Variants in SIDT1 observed in about 807,000 individuals in gnomAD.
SIDT1 encodes SID1 transmembrane family member 1.
In SIDT1, 101 loss-of-function variants were observed where a neutral mutation model predicts 107.5. The observed-to-expected ratio is 0.94, with a 90% CI of 0.80 to 1.11. The LOEUF is 1.11. Among genes scored for constraint, SIDT1 ranks in the 50% least tolerant of loss-of-function variants. The pLI, the probability that SIDT1 is intolerant of heterozygous loss-of-function variation, is 0.00. For missense variants in SIDT1, 1,076 were observed against 1,058.2 expected (o/e 1.02, Z -0.23); for synonymous variants, 395 against 398.2 (o/e 0.99, Z 0.10).
intron 1 of SIDT1, among the ~76,000 whole-genome samples, chr3:113,564,665 T>A (rs547972602): frequency 6.6e-6 from 1 of 152,320 alleles, no homozygotes; most frequent in South Asian, 2.1e-4. Flanking sequence ...AATGGCTGCA[T>A]GGTGGGGCCA....
In SIDT1 at chr3:113,621,966, G is replaced by T. The variant is rs554488075; in HGVS notation, c.2091-1461G>T. Among the ~76,000 whole-genome samples, 42 of 152,172 alleles carry T rather than the reference G, an allele frequency of 2.8e-4. 5 individuals carry two copies. Among genetic ancestry groups the T allele is most frequent in the African/African-American group, 9.9e-4 (41 of 41,500 alleles). ...TTTTCAATTTTATTTAATTTTAATA[G>T]CCATATGTGGCTACCAAATGGAACA... On this transcript the variant is annotated intron_variant, in intron 21 of 24. Transcript: ENST00000264852.
At chr3:113,625,465 A>G (rs938031860) in intron 23 of SIDT1, among the ~76,000 whole-genome samples, 6 of 152,030 alleles carry the variant, frequency 3.9e-5, no homozygotes, top group African/African-American at 1.4e-4. Flanking sequence ...TTTTTTGAGG[A>G]ACTTCCAAAC....
intron 23 of SIDT1, among the ~76,000 whole-genome samples, chr3:113,624,190 C>T (rs1946683136): frequency 6.6e-6 from 1 of 152,184 alleles, no homozygotes; most frequent in South Asian, 2.1e-4. Context: ...AGAACAGTTA[C>T]CACAATAGAT....
chr3:113,581,284 C>T, intron 5 of SIDT1, 77 bp from the exon 6 acceptor site: 1 of 1,175,714 alleles, frequency 8.5e-7, no homozygotes, highest in East Asian at 2.3e-5. Context: ...CAGAAAGATG[C>T]TGACAGGACC....
At chr3:113,554,551 G>A (rs1576743692) in intron 1 of SIDT1, among the ~76,000 whole-genome samples, 1 of 152,182 alleles carries the variant, frequency 6.6e-6, no homozygotes, top group Non-Finnish European at 1.5e-5. Flanking sequence ...CACCATGCAA[G>A]ACGTGCCTTT....
chr3:113,533,316 C>G, intron 1 of SIDT1, 73 bp downstream of exon 1: 1 of 1,208,674 alleles, frequency 8.3e-7, no homozygotes, highest in Non-Finnish European at 1.1e-6. Context: ...GCTTTGGAGT[C>G]CCCTGGGAAT....
At chr3:113,573,644 G>A (rs768259912) in intron 3 of SIDT1, among the ~76,000 whole-genome samples, 14 of 152,152 alleles carry the variant, frequency 9.2e-5, no homozygotes, top group African/African-American at 1.7e-4. Context: ...TGATTAGGTC[G>A]TGAGAGTGGA....
intron 1 of SIDT1, among the ~76,000 whole-genome samples, chr3:113,538,672 T>C (rs1023960632): frequency 6.6e-6 from 1 of 152,242 alleles, no homozygotes; most frequent in African/African-American, 2.4e-5. Context: ...GGCTCACATT[T>C]TGTTTTTATT....
intron 9 of SIDT1, 55 bp downstream of exon 9, chr3:113,585,325 C>T (rs1253276976): frequency 7.9e-7 from 1 of 1,270,132 alleles, no homozygotes; most frequent in Admixed American, 1.7e-5. Context: ...CTGTGTAACG[C>T]TTGCAGCACA....
In SIDT1 at chr3:113,608,164, CG is replaced by C; in HGVS notation, c.1550del (p.Arg517ProfsTer36). 6.2e-7 allele frequency: 1 copy of C among 1,611,898 alleles called. No individual in the cohort carries two copies. The highest frequency in any genetic ancestry group is 1.3e-5 in the African/African-American group (1 of 74,852). ...CTTCCTCTTCCTGCTGATAGTCTTG[CG>C]CCGCGACATCCTCCATCGGAGAGCC... ...LGFLFLLIVL[R>X]RDILHRRALE... On this transcript the variant is annotated frameshift_variant, in exon 16 of 25. Coordinates refer to ENST00000264852, the MANE Select transcript of SIDT1 (RefSeq NM_017699.3). LOFTEE classifies it high-confidence loss of function.
chr3:113,622,463 C>CAAAA (rs765265068), intron 21 of SIDT1, among the ~76,000 whole-genome samples: 1 of 57,972 alleles, frequency 1.7e-5, no homozygotes, highest in Non-Finnish European at 3.2e-5. Context: ...GACTCCATCT[C>CAAAA]AAAAAAAAAA....
chr3:113,552,004 T>C (rs1226032359), intron 1 of SIDT1, among the ~76,000 whole-genome samples: 1 of 152,138 alleles, frequency 6.6e-6, no homozygotes, highest in East Asian at 1.9e-4. Context: ...TAAGCCACCA[T>C]GAAGATAAGC....
chr3:113,616,862 AT>A lies in SIDT1; in HGVS notation c.2043+691del, dbSNP rs370269191. Among the ~76,000 whole-genome samples, 893 of 152,000 alleles carry A rather than the reference AT, an allele frequency of 5.9e-3. 5 individuals are homozygous for A. Among genetic ancestry groups the A allele is most frequent in the African/African-American group, 0.02 (836 of 41,470 alleles). Reference sequence around the variant, plus strand: ...TGCCACCACACCTGGCTAATTTTGTATTTTTAGTAGAGACGGGGCTTCTCCA... The same window carrying A: ...TGCCACCACACCTGGCTAATTTTGTATTTTAGTAGAGACGGGGCTTCTCCA... On this transcript the variant is annotated intron_variant, in intron 20 of 24. Coordinates refer to ENST00000264852, the MANE Select transcript of SIDT1 (RefSeq NM_017699.3).
At position 113,532,653 on chromosome 3, in the gene SIDT1, T is replaced by C. The variant is rs906381046; in HGVS notation, c.-369T>C. ...TTTAATGACTCCAATGCCTTTTTAT[T>C]ATTGCTGTTATTGAGGTTGAGGGAG... On this transcript the variant is annotated 5_prime_UTR_variant, in exon 1 of 25. Coordinates refer to ENST00000264852, the MANE Select transcript of SIDT1 (RefSeq NM_017699.3). 2 of 213,102 alleles carry C rather than the reference T, an allele frequency of 9.4e-6. No homozygotes were observed. The highest frequency in any genetic ancestry group is 1.8e-5 in the Non-Finnish European group (2 of 108,512). 13.2% of individuals were successfully genotyped at this position (213,102 alleles called of 1,614,324 possible).
Position 113,561,559 on chromosome 3 carries a change from A to G in SIDT1, c.223-4861A>G, listed in dbSNP as rs185654089. 3.3e-5 allele frequency among the ~76,000 whole-genome samples: 5 copies of G among 152,036 alleles called. No individual in the cohort carries two copies. In the East Asian group the frequency reaches 9.7e-4, roughly 29 times the overall value. ...GACCAACTCTAACATTAGTGATCTC[A>G]TGGATGTACATCTCAGAATAATGGG... On this transcript the variant is annotated intron_variant, in intron 1 of 24. Transcript: ENST00000264852.
At chr3:113,553,856 A>G (rs4682491) in intron 1 of SIDT1, among the ~76,000 whole-genome samples, 123,622 of 152,122 alleles carry the variant, frequency 0.81, 50,416 homozygotes, top group East Asian at 0.92. Flanking sequence ...GACAAACCTG[A>G]CCAACATGGT....
At chr3:113,537,830 T>C (rs1224998461) in intron 1 of SIDT1, among the ~76,000 whole-genome samples, 2 of 152,238 alleles carry the variant, frequency 1.3e-5, no homozygotes, top group African/African-American at 4.8e-5. Flanking sequence ...TCACCCAGGC[T>C]GGAGTGCAGT....
intron 21 of SIDT1, 38 bp from the exon 22 acceptor site, chr3:113,623,389 C>T (rs1946610264): frequency 7.3e-7 from 1 of 1,379,226 alleles, no homozygotes; most frequent in African/African-American, 1.4e-5. Context: ...GTTACAAATC[C>T]ACCTTCACGG....
intron 10 of SIDT1, among the ~76,000 whole-genome samples, chr3:113,600,853 T>C (rs1480870554): frequency 1.3e-5 from 2 of 152,216 alleles, no homozygotes; most frequent in Non-Finnish European, 2.9e-5. Context: ...CTAATTTCCC[T>C]AAATAAGAAG....
Sources: allele counts gnomAD v4.1 joint callset (sites outside exome capture counted in the v4.1 genomes callset), GRCh38; gene constraint gnomAD v4.1.1; transcripts MANE v1.5; gene names NCBI Gene and HGNC (gene_info 2026-07-23, HGNC 2026-07-21).